Variants in NAP1L4 observed in about 807,000 individuals in gnomAD.
NAP1L4 encodes nucleosome assembly protein 1-like 4.
A neutral mutation model predicts 58.2 loss-of-function variants in NAP1L4; 15 were observed. The observed-to-expected ratio is 0.26, with a 90% CI of 0.17 to 0.40. The LOEUF (loss-of-function observed/expected upper bound fraction) is 0.40, where lower values mean the gene tolerates loss of function less well. Ranked by LOEUF, NAP1L4 falls within the 10% of genes least tolerant of loss-of-function variation. NAP1L4 has a pLI of 1.00. For missense variants in NAP1L4, 384 were observed against 451.1 expected (o/e 0.85, Z 1.35); for synonymous variants, 171 against 155.6 (o/e 1.10, Z -0.74).
At chr11:2,989,945 G>A (rs995024015) in intron 1 of NAP1L4, 8 of 152,084 alleles carry the variant, frequency 5.3e-5, no homozygotes, top group African/African-American at 1.9e-4. Flanking sequence ...TACATTTTGA[G>A]GACATCCTAA....
intron 1 of NAP1L4, among the ~76,000 whole-genome samples, chr11:2,987,573 T>C (rs1193856789): frequency 6.6e-6 from 1 of 151,332 alleles, no homozygotes; most frequent in Non-Finnish European, 1.5e-5. Flanking sequence ...CTGACCAATA[T>C]GGTGAAACCC....
chr11:2,966,428 TATTTATC>T (rs1847282155), intron 7 of NAP1L4, among the ~76,000 whole-genome samples: 2 of 34,474 alleles, frequency 5.8e-5, no homozygotes, highest in Non-Finnish European at 1.1e-4. Context: ...GACCTCTCCC[TATTTATC>T]CTCCCCTCTC....
rs934581495 is a variant in NAP1L4, at chr11:2,946,681, T to A, written c.*33-1035A>T. Among the ~76,000 whole-genome samples the A allele has an allele frequency of 6.6e-6, 1 of 152,178 alleles. No homozygotes were observed. Reference sequence around the variant, plus strand: ...CATTTAAGGGATGGCCGAAAAAATATGTGTAAAATATGCAAAAAACAAAAT... The same window carrying A: ...CATTTAAGGGATGGCCGAAAAAATAAGTGTAAAATATGCAAAAAACAAAAT... On this transcript the variant is annotated intron_variant, in intron 15 of 15. Transcript: ENST00000380542. The surrounding 1 kb of genome is among the most constrained non-coding windows in gnomAD (Gnocchi z 4.8).
Position 2,979,224 on chromosome 11 carries a change from A to T in NAP1L4, c.-4T>A. The T allele has an allele frequency of 6.2e-7, 1 of 1,611,308 alleles. No homozygotes were observed. Among genetic ancestry groups the T allele is most frequent in the South Asian group, 1.1e-5 (1 of 90,456 alleles). ...TGGCTTACCTGTGATCTGCCATCTG[A>T]ATGTTTTTATCCCCTATAAATTAAA... On this transcript the variant is annotated 5_prime_UTR_variant, in exon 2 of 16. Transcript: ENST00000380542.
intron 15 of NAP1L4, among the ~76,000 whole-genome samples, chr11:2,947,835 C>T (rs1243240238): frequency 4.6e-5 from 7 of 152,184 alleles, no homozygotes; most frequent in Non-Finnish European, 1.0e-4. Context: ...CTGAGAAAGG[C>T]AACAAAGACA....
At position 2,959,642 on chromosome 11, in the gene NAP1L4, C is replaced by T. The variant is rs985506527; in HGVS notation, c.746+128G>A. 7 of 1,093,020 alleles carry T rather than the reference C, an allele frequency of 6.4e-6. No individual in the cohort carries two copies. In the African/African-American group the frequency reaches 1.1e-4, roughly 17 times the overall value. The allele number at this position is 1,093,020 out of a possible 1,614,324, so 67.7% of individuals were successfully genotyped here. A position where few individuals can be genotyped will look rare whatever the true frequency, so the allele number is the denominator to read the frequency against. ...GAAAGACTATTGAAATATACATCTA[C>T]CAGGCTTTTAGGCTTTTAAGCAGAC... On this transcript the variant is annotated intron_variant, in intron 9 of 15. Transcript: ENST00000380542. The surrounding 1 kb of genome is among the most constrained non-coding windows in gnomAD (Gnocchi z 4.9).
chr11:2,965,899 A>G (rs1196726991), intron 7 of NAP1L4, among the ~76,000 whole-genome samples: 1 of 152,204 alleles, frequency 6.6e-6, no homozygotes, highest in Non-Finnish European at 1.5e-5. Context: ...GCACCATGGA[A>G]GAGTGGGCAT....
chr11:2,955,789 A>C lies in NAP1L4; in HGVS notation c.893-23T>G, dbSNP rs377654776. 5.5e-5 allele frequency: 89 copies of C among 1,610,110 alleles called. No individual in the cohort carries two copies. The highest frequency in any genetic ancestry group is 6.8e-5 in the Non-Finnish European group (80 of 1,177,408). Reference sequence around the variant, plus strand: ...ATGCTAGAAAAAGAAAAGACAAAACATATTTAAATTACAGTGACAACTCCC... The same window carrying C: ...ATGCTAGAAAAAGAAAAGACAAAACCTATTTAAATTACAGTGACAACTCCC... On this transcript the variant is annotated intron_variant, in intron 10 of 15. Transcript: ENST00000380542. The surrounding 1 kb of genome is among the most constrained non-coding windows in gnomAD (Gnocchi z 4.2).
At chr11:2,962,365 A>G (rs1221961042) in intron 8 of NAP1L4, among the ~76,000 whole-genome samples, 5 of 152,244 alleles carry the variant, frequency 3.3e-5, no homozygotes, top group African/African-American at 4.8e-5. Flanking sequence ...GACACTGTGC[A>G]CACACCATGT....
In NAP1L4 at chr11:2,971,066, A is replaced by G. The variant is rs1847612848; in HGVS notation, c.402+382T>C. On this transcript the variant is annotated intron_variant, in intron 6 of 15. Coordinates refer to ENST00000380542, the MANE Select transcript of NAP1L4 (RefSeq NM_005969.4). This position sits in a 1 kb window ranked among gnomAD's most constrained non-coding sequence, Gnocchi z 4.2. ...CCAATCCACTGGCGGAGCACCTCTC[A>G]GGGGGCAAGCTAGTCCATGCCACTG... 3.3e-5 allele frequency among the ~76,000 whole-genome samples: 5 copies of G among 152,210 alleles called. No individual in the cohort carries two copies. In the South Asian group the frequency reaches 1.0e-3, roughly 32 times the overall value.
In NAP1L4 at chr11:2,971,416, A is replaced by C; in HGVS notation, c.402+32T>G. ...TGCTTATTTTTAACAGTATTAAAAC[A>C]GAACATGAGTCACATGTTTCTAAAG... On this transcript the variant is annotated intron_variant, in intron 6 of 15. Transcript: ENST00000380542. The surrounding 1 kb of genome is among the most constrained non-coding windows in gnomAD (Gnocchi z 4.2). The C allele has an allele frequency of 6.3e-7, 1 of 1,575,012 alleles. No homozygotes were observed. The highest frequency in any genetic ancestry group is 8.7e-7 in the Non-Finnish European group (1 of 1,146,936).
chr11:2,962,484 T>C (rs923885995), intron 8 of NAP1L4, among the ~76,000 whole-genome samples: 1 of 152,386 alleles, frequency 6.6e-6, no homozygotes, highest in Middle Eastern at 3.4e-3. Flanking sequence ...AGACTCATTT[T>C]GAAGTTTCAT....
Position 2,945,373 on chromosome 11 carries a change from G to A in NAP1L4, c.*306C>T. On this transcript the variant is annotated 3_prime_UTR_variant, in exon 16 of 16. Transcript: ENST00000380542. Reference sequence around the variant, plus strand: ...GGAAGTCCAGAGCTACAGGCACCAAGGCTGCAGAGGGTGCTGGACGAAACC... The same window carrying A: ...GGAAGTCCAGAGCTACAGGCACCAAAGCTGCAGAGGGTGCTGGACGAAACC... The A allele has an allele frequency of 2.0e-6, 1 of 512,200 alleles. No individual in the cohort carries two copies. The highest frequency in any genetic ancestry group is 3.5e-4 in the Middle Eastern group (1 of 2,886). 31.7% of individuals were successfully genotyped at this position (512,200 alleles called of 1,614,324 possible). A position where few individuals can be genotyped will look rare whatever the true frequency, so the allele number is the denominator to read the frequency against.
intron 4 of NAP1L4, among the ~76,000 whole-genome samples, chr11:2,974,585 G>A (rs538647270): frequency 7.2e-5 from 11 of 152,202 alleles, no homozygotes; most frequent in Non-Finnish European, 2.9e-5. Flanking sequence ...TTCTAAATGG[G>A]CAAAGCAAAC....
In NAP1L4 at chr11:2,971,471, T is replaced by C. The variant is rs367863841; in HGVS notation, c.379A>G (p.Asn127Asp). 141 of 1,613,916 alleles carry C rather than the reference T, an allele frequency of 8.7e-5. No individual in the cohort carries two copies. The highest frequency in any genetic ancestry group is 1.1e-4 in the Non-Finnish European group (133 of 1,180,018). Residue 127 changes from asparagine (N) to aspartate (D), a missense_variant, in exon 6 of 16, where the codon AAT becomes GAT. Coordinates refer to ENST00000380542, the MANE Select transcript of NAP1L4 (RefSeq NM_005969.4). This position sits in a 1 kb window ranked among gnomAD's most constrained non-coding sequence, Gnocchi z 4.2. ...ACAGCCAATTTCTCTTCCTCTTCAT[T>C]TTCACTGTGCCATTCCGATTCCGCA... ...TDAESEWHSE[N>D]EEEEKLAGDM... is the part of the protein sequence containing the mutation.
intron 8 of NAP1L4, among the ~76,000 whole-genome samples, chr11:2,961,945 T>C (rs1451737394): frequency 1.3e-5 from 2 of 152,248 alleles, no homozygotes; most frequent in Non-Finnish European, 2.9e-5. Flanking sequence ...AAGAAACTGT[T>C]TAGCTGCCCA....
At chr11:2,988,139 G>C (rs1408702386) in intron 1 of NAP1L4, 1 of 152,102 alleles carries the variant, frequency 6.6e-6, no homozygotes, top group Non-Finnish European at 1.5e-5. Flanking sequence ...GGGGTTTCAA[G>C]AAGAAAGCAA....
chr11:2,974,478 C>G (rs189544339), intron 4 of NAP1L4, among the ~76,000 whole-genome samples: 30 of 152,306 alleles, frequency 2.0e-4, no homozygotes, highest in African/African-American at 7.2e-4. Flanking sequence ...CATTCTCATT[C>G]TTGCCACTCC....
Position 2,946,398 on chromosome 11 carries a change from A to G in NAP1L4, c.*33-752T>C, listed in dbSNP as rs1246657602. 2.0e-5 allele frequency among the ~76,000 whole-genome samples: 3 copies of G among 152,180 alleles called. No homozygotes were observed. Among genetic ancestry groups the G allele is most frequent in the Admixed American group, 6.5e-5 (1 of 15,276 alleles). ...AGAGATCTTGTACCCTTTAAACCAC[A>G]TCCAGCAACTCCATGAATTTGTGTG... On this transcript the variant is annotated intron_variant, in intron 15 of 15. Transcript: ENST00000380542. This position sits in a 1 kb window ranked among gnomAD's most constrained non-coding sequence, Gnocchi z 4.8.
Sources: gnomAD v4.1 joint callset for allele counts (sites outside exome capture counted in the v4.1 genomes callset) on GRCh38, gnomAD v4.1.1 for gene constraint, Gnocchi (gnomAD v3.1) non-coding constraint, MANE v1.5 for transcripts, NCBI Gene and HGNC (gene_info 2026-07-23, HGNC 2026-07-21) for gene names.